VSTM5: variants seen among roughly 807,000 people sequenced by gnomAD.
The protein encoded by VSTM5 is V-set and transmembrane domain-containing protein 5.
A neutral mutation model predicts 20.3 loss-of-function variants in VSTM5; 21 were observed. The observed-to-expected ratio is 1.03, with a 90% confidence interval of 0.73 to 1.49. VSTM5 has a LOEUF of 1.49. Ranked by LOEUF, VSTM5 falls within the 40% of genes most tolerant of loss-of-function variation. The probability of loss-of-function intolerance (pLI) is 0.00; values close to 1 mark genes in which losing one functional copy is unlikely to be tolerated. For synonymous variants in VSTM5, 100 were observed against 102.5 expected, an observed-to-expected ratio of 0.98 and a Z score of 0.14; for missense variants, 219 against 250.0, an observed-to-expected ratio of 0.88 and a Z score of 0.84.
At chr11:93,824,326 T>G (rs1162642570) in intron 1 of VSTM5, among the ~76,000 whole-genome samples, 1 of 152,188 alleles carries the variant, frequency 6.6e-6, no homozygotes, top group Admixed American at 6.5e-5. Context: ...TTGACCAACA[T>G]TTGTCACCTT....
At chr11:93,829,225 A>C (rs1205403548) in intron 1 of VSTM5, among the ~76,000 whole-genome samples, 1 of 152,182 alleles carries the variant, frequency 6.6e-6, no homozygotes, top group Non-Finnish European at 1.5e-5. Flanking sequence ...CAGGACCGTC[A>C]TGGGCAAACC....
At position 93,841,319 on chromosome 11, in the gene VSTM5, C is replaced by T. The variant is rs149390755; in HGVS notation, c.91+9093G>A. ...CAGGCTGCCCCCACCCTGCAGAGTGCTTTCTTGCTGTAACAAATCCCTGCT... is the reference window on the plus strand; with the variant it reads ...CAGGCTGCCCCCACCCTGCAGAGTGTTTTCTTGCTGTAACAAATCCCTGCT... On this transcript the variant is annotated intron_variant, in intron 1 of 3. Coordinates refer to ENST00000409977, the MANE Select transcript of VSTM5 (RefSeq NM_001144871.2). 1.7e-4 allele frequency among the ~76,000 whole-genome samples: 26 copies of T among 152,330 alleles called. No individual in the cohort carries two copies. In the East Asian group the frequency reaches 5.0e-3, roughly 29 times the overall value.
chr11:93,841,516 T>G lies in VSTM5; in HGVS notation c.91+8896A>C, dbSNP rs147067726. Among the ~76,000 whole-genome samples, 25 of 152,358 alleles carry G rather than the reference T, an allele frequency of 1.6e-4. No individual in the cohort carries two copies. The South Asian group carries it at 4.3e-3, about 27-fold the overall frequency. ...ACTCTAACACAGTGGTTCTCAGCAT[T>G]TGGCTCCATTAGAACCACCTGGAGG... On this transcript the variant is annotated intron_variant, in intron 1 of 3. Coordinates refer to ENST00000409977, the MANE Select transcript of VSTM5 (RefSeq NM_001144871.2).
At chr11:93,843,503 C>T (rs1444953160) in intron 1 of VSTM5, among the ~76,000 whole-genome samples, 2 of 151,950 alleles carry the variant, frequency 1.3e-5, no homozygotes, top group Non-Finnish European at 2.9e-5. Context: ...TAGGCAAGTC[C>T]CTCAACTTCT....
chr11:93,831,584 G>A (rs2135733792), intron 1 of VSTM5, among the ~76,000 whole-genome samples: 1 of 152,280 alleles, frequency 6.6e-6, no homozygotes, highest in African/African-American at 2.4e-5. Context: ...GCTCATCTTG[G>A]AGAGGGCTCA....
chr11:93,837,905 C>T (rs1944337026), intron 1 of VSTM5, among the ~76,000 whole-genome samples: 2 of 151,894 alleles, frequency 1.3e-5, no homozygotes, highest in African/African-American at 4.8e-5. Context: ...GGAAGCTCAG[C>T]CAACTGCATG....
At chr11:93,842,597 G>C (rs1172303594) in intron 1 of VSTM5, among the ~76,000 whole-genome samples, 1 of 152,224 alleles carries the variant, frequency 6.6e-6, no homozygotes, top group African/African-American at 2.4e-5. Context: ...TTGGGGAGCT[G>C]GCTGGGTTTG....
In VSTM5 at chr11:93,848,113, C is replaced by T. The variant is rs73556840; in HGVS notation, c.91+2299G>A. On this transcript the variant is annotated intron_variant, in intron 1 of 3. Transcript: ENST00000409977. The stretch of plus-strand genomic sequence containing the variant: ...TATATGAATCTTGGGAGGACCCATA[C>T]ATTTGTAGGGGAAAGGTTTCAAAAG... Among the ~76,000 whole-genome samples, 1,316 of 152,268 alleles carry T rather than the reference C, an allele frequency of 8.6e-3. 19 individuals carry two copies. Among genetic ancestry groups the T allele is most frequent in the African/African-American group, 0.03 (1,244 of 41,558 alleles).
chr11:93,820,054 A>T lies in VSTM5; in HGVS notation c.*515T>A, dbSNP rs75479415. 1,698 of 163,068 alleles carry T rather than the reference A, an allele frequency of 0.01. 33 individuals carry two copies. Among genetic ancestry groups the T allele is most frequent in the African/African-American group, 0.039 (1,618 of 41,604 alleles). 10.1% of individuals were successfully genotyped at this position (163,068 alleles called of 1,614,324 possible). On this transcript the variant is annotated 3_prime_UTR_variant, in exon 4 of 4. Coordinates refer to ENST00000409977, the MANE Select transcript of VSTM5 (RefSeq NM_001144871.2). Reference sequence around the variant, plus strand: ...GCTCTGAGGCAGCAGATTGTCTAAAAGCCTCAGGTTTTCTCACAATAGCTC... The same window carrying T: ...GCTCTGAGGCAGCAGATTGTCTAAATGCCTCAGGTTTTCTCACAATAGCTC...
chr11:93,820,880 A>T lies in VSTM5; in HGVS notation c.422T>A (p.Ile141Asn). 1 of 1,550,790 alleles carries T rather than the reference A, an allele frequency of 6.4e-7. No homozygotes were observed. The highest frequency in any genetic ancestry group is 2.4e-5 in the East Asian group (1 of 40,922). The change falls in exon 3 of 4, where the codon ATC (isoleucine) becomes AAC (asparagine). Residue 141 changes from isoleucine to asparagine, a missense_variant. Ile to Asn is a moderately radical substitution (Grantham distance 149). Coordinates refer to ENST00000409977, the MANE Select transcript of VSTM5 (RefSeq NM_001144871.2). Reference sequence around the variant, plus strand: ...GACAAAGTGCAGGTCTTCATAGAGGATCTCTATGGAGTGAGGGTGAGGGGA... The same window carrying T: ...GACAAAGTGCAGGTCTTCATAGAGGTTCTCTATGGAGTGAGGGTGAGGGGA... ...FGTIVLHVSE[I>N]LYEDLHFVAV...
chr11:93,844,657 T>C (rs1403879142), intron 1 of VSTM5, among the ~76,000 whole-genome samples: 1 of 152,174 alleles, frequency 6.6e-6, no homozygotes, highest in Non-Finnish European at 1.5e-5. Context: ...AGTTCGCCAG[T>C]GCTAAGAACT....
At chr11:93,820,645 A>G in intron 3 of VSTM5, 33 bp from the exon 4 acceptor site, 2 of 1,551,768 alleles carry the variant, frequency 1.3e-6, no homozygotes, top group Non-Finnish European at 1.7e-6. Context: ...TGAGTTGGAA[A>G]TCAAGCCACA....
intron 1 of VSTM5, among the ~76,000 whole-genome samples, chr11:93,837,996 G>A: frequency 6.6e-6 from 1 of 151,780 alleles, no homozygotes. Context: ...AGATGCAGGG[G>A]GGTGGGGGTG....
At chr11:93,828,006 A>G (rs1423426975) in intron 1 of VSTM5, among the ~76,000 whole-genome samples, 1 of 152,164 alleles carries the variant, frequency 6.6e-6, no homozygotes, top group Non-Finnish European at 1.5e-5. Context: ...CATGTAAGCC[A>G]TTTATATAAT....
chr11:93,839,208 A>T (rs1944349987), intron 1 of VSTM5, among the ~76,000 whole-genome samples: 2 of 152,172 alleles, frequency 1.3e-5, no homozygotes, highest in Non-Finnish European at 2.9e-5. Context: ...GCCCCAAGAG[A>T]CAGGCTGCTT....
intron 1 of VSTM5, among the ~76,000 whole-genome samples, chr11:93,843,882 C>T (rs1323565246): frequency 6.6e-6 from 1 of 152,140 alleles, no homozygotes; most frequent in Non-Finnish European, 1.5e-5. Context: ...CCCACTGGGC[C>T]TTTATTCACT....
chr11:93,849,129 T>C lies in VSTM5; in HGVS notation c.91+1283A>G, dbSNP rs111955813. The stretch of plus-strand genomic sequence containing the variant: ...GTATAAGTTAACATAATATTATTTT[T>C]TCTCTCTCTCTCTTCTTTTCTTTTT... On this transcript the variant is annotated intron_variant, in intron 1 of 3. Coordinates refer to ENST00000409977, the MANE Select transcript of VSTM5 (RefSeq NM_001144871.2). 9.0e-3 allele frequency among the ~76,000 whole-genome samples: 1,364 copies of C among 152,120 alleles called. 20 individuals carry two copies. Among genetic ancestry groups the C allele is most frequent in the African/African-American group, 0.031 (1,277 of 41,444 alleles).
intron 1 of VSTM5, among the ~76,000 whole-genome samples, chr11:93,827,276 A>G (rs1261814242): frequency 6.6e-6 from 1 of 152,138 alleles, no homozygotes; most frequent in African/African-American, 2.4e-5. Flanking sequence ...CCAGCTACTC[A>G]GGAGGCTGAG....
At chr11:93,844,114 A>G (rs1944393623) in intron 1 of VSTM5, among the ~76,000 whole-genome samples, 1 of 152,198 alleles carries the variant, frequency 6.6e-6, no homozygotes, top group African/African-American at 2.4e-5. Flanking sequence ...ACACAGCAGT[A>G]TGTGATGTGA....
Sources: allele counts gnomAD v4.1 joint callset (sites outside exome capture counted in the v4.1 genomes callset), GRCh38; gene constraint gnomAD v4.1.1; transcripts MANE v1.5; gene names NCBI Gene and HGNC (gene_info 2026-07-23, HGNC 2026-07-21).